SLC24A3: variants seen among roughly 807,000 people sequenced by gnomAD.
SLC24A3 encodes the protein sodium/potassium/calcium exchanger 3.
In SLC24A3, 28 loss-of-function variants were observed where a neutral mutation model predicts 75.8. The ratio of observed to expected loss-of-function variants is 0.37; its 90% CI spans 0.27 to 0.51. The LOEUF is 0.51. Ranked by LOEUF, SLC24A3 falls within the 20% of genes least tolerant of loss-of-function variation. The pLI is 0.94. For missense variants in SLC24A3, 663 were observed against 847.8 expected, an observed-to-expected ratio of 0.78 and a Z score of 2.71; for synonymous variants, 372 against 334.1, an observed-to-expected ratio of 1.11 and a Z score of -1.24.
At chr20:19,552,378 G>A (rs1035531044) in intron 3 of SLC24A3, among the ~76,000 whole-genome samples, 1 of 152,162 alleles carries the variant, frequency 6.6e-6, no homozygotes, top group Non-Finnish European at 1.5e-5. Context: ...CAGCAACTAG[G>A]GGAGAGACCA....
chr20:19,658,207 A>T (rs2032286643), intron 7 of SLC24A3, among the ~76,000 whole-genome samples: 1 of 152,154 alleles, frequency 6.6e-6, no homozygotes, highest in South Asian at 2.1e-4. Flanking sequence ...AGACCCACAG[A>T]GAGGCATGGC....
chr20:19,549,390 T>C (rs1329951070), intron 3 of SLC24A3, among the ~76,000 whole-genome samples: 1 of 152,236 alleles, frequency 6.6e-6, no homozygotes, highest in Non-Finnish European at 1.5e-5. Context: ...GTAGAATCAA[T>C]ATCTCAGGTC....
chr20:19,308,463 G>A lies in SLC24A3; in HGVS notation c.271+27376G>A, dbSNP rs150581718. On this transcript the variant is annotated intron_variant, in intron 2 of 16. Coordinates refer to ENST00000328041, the MANE Select transcript of SLC24A3 (RefSeq NM_020689.4). ...AAATTAAACCTGTGAGTCTGCCTCC[G>A]CAGTCCTCAGGCCACCAGCTGAGGG... Among the ~76,000 whole-genome samples, 342 of 152,288 alleles carry A rather than the reference G, an allele frequency of 2.2e-3. 3 individuals are homozygous for A. Among genetic ancestry groups the A allele is most frequent in the African/African-American group, 7.9e-3 (330 of 41,570 alleles).
At position 19,239,725 on chromosome 20, in the gene SLC24A3, G is replaced by C. The variant is rs139582424; in HGVS notation, c.142+26741G>C. Among the ~76,000 whole-genome samples, 42 of 152,290 alleles carry C rather than the reference G, an allele frequency of 2.8e-4. No homozygotes were observed. The East Asian group carries it at 7.3e-3, about 27-fold the overall frequency. ...CCTGTCACATTGTTTTCACCCCAAG[G>C]GTCCTGGCTCCCAGCCTGAGGGATC... On this transcript the variant is annotated intron_variant, in intron 1 of 16. Transcript: ENST00000328041.
chr20:19,390,225 A>G (rs1986343467), intron 2 of SLC24A3, among the ~76,000 whole-genome samples: 1 of 152,016 alleles, frequency 6.6e-6, no homozygotes, highest in African/African-American at 2.4e-5. Context: ...CTATATTTTG[A>G]GGTCAGCTAA....
At chr20:19,377,647 G>A (rs1986108101) in intron 2 of SLC24A3, among the ~76,000 whole-genome samples, 1 of 152,160 alleles carries the variant, frequency 6.6e-6, no homozygotes, top group African/African-American at 2.4e-5. Flanking sequence ...ATTCTTGCAT[G>A]GAAATTATCC....
chr20:19,341,022 A>G (rs1244076023), intron 2 of SLC24A3, among the ~76,000 whole-genome samples: 1 of 152,184 alleles, frequency 6.6e-6, no homozygotes, highest in Admixed American at 6.5e-5. Flanking sequence ...CTTGCATGTA[A>G]GCTCTTCCCT....
rs1012269641 is a variant in SLC24A3 at position 19,714,423 on chromosome 20, A to C, written c.1720-3105A>C. On this transcript the variant is annotated intron_variant, in intron 15 of 16. Transcript: ENST00000328041. ...CAGTCTCTAAAAAAAAAAAAAAAAA[A>C]AAACAACAAAAAGAGGCAATGGCAA... Among the ~76,000 whole-genome samples the C allele has an allele frequency of 7.4e-3, 1,033 of 139,738 alleles. 23 individuals are homozygous for C. The highest frequency in any genetic ancestry group is 0.026 in the African/African-American group (985 of 37,764). The allele number at this position is 139,738 out of a possible 152,430, so 91.7% of individuals were successfully genotyped here.
At chr20:19,627,550 A>T (rs1265859603) in intron 6 of SLC24A3, among the ~76,000 whole-genome samples, 2 of 152,214 alleles carry the variant, frequency 1.3e-5, no homozygotes, top group Non-Finnish European at 2.9e-5. Flanking sequence ...ATGGGGGGAA[A>T]AAAAGGCACA....
intron 9 of SLC24A3, among the ~76,000 whole-genome samples, chr20:19,681,390 A>G (rs1170059585): frequency 6.6e-6 from 1 of 152,172 alleles, no homozygotes; most frequent in Non-Finnish European, 1.5e-5. Flanking sequence ...TGTGACACAC[A>G]GCCACTGTTC....
chr20:19,327,716 T>C (rs932094981), intron 2 of SLC24A3, among the ~76,000 whole-genome samples: 3 of 152,238 alleles, frequency 2.0e-5, no homozygotes, highest in African/African-American at 7.2e-5. Flanking sequence ...TGGTTTCCCC[T>C]ACTTTCATGG....
At chr20:19,514,183 G>T (rs2029938520) in intron 2 of SLC24A3, among the ~76,000 whole-genome samples, 1 of 152,140 alleles carries the variant, frequency 6.6e-6, no homozygotes. Context: ...GCAAGCCAGG[G>T]GTCCCCAGCA....
intron 2 of SLC24A3, among the ~76,000 whole-genome samples, chr20:19,385,691 G>T (rs1986261055): frequency 7.9e-5 from 12 of 151,444 alleles, no homozygotes; most frequent in Admixed American, 7.9e-4. Flanking sequence ...ACCCAGGTTG[G>T]ATTGCAGTGT....
At chr20:19,483,619 CCA>C (rs1279311951) in intron 2 of SLC24A3, among the ~76,000 whole-genome samples, 1 of 152,124 alleles carries the variant, frequency 6.6e-6, no homozygotes, top group African/African-American at 2.4e-5. Flanking sequence ...GCTGTGGATA[CCA>C]GAGTCAGGGC....
intron 6 of SLC24A3, among the ~76,000 whole-genome samples, chr20:19,628,216 A>AAG (rs1369873430): frequency 6.7e-6 from 1 of 150,238 alleles, no homozygotes; most frequent in African/African-American, 2.5e-5. Context: ...AAAAAAAAAA[A>AAG]AAAAAAGAAA....
At chr20:19,265,329 A>C (rs1258784576) in intron 1 of SLC24A3, among the ~76,000 whole-genome samples, 2 of 152,190 alleles carry the variant, frequency 1.3e-5, no homozygotes, top group Non-Finnish European at 2.9e-5. Flanking sequence ...TTAGAGCTTT[A>C]TTACTGTGAT....
intron 3 of SLC24A3, among the ~76,000 whole-genome samples, chr20:19,575,585 C>T (rs1168657085): frequency 6.6e-6 from 1 of 152,184 alleles, no homozygotes; most frequent in East Asian, 1.9e-4. Flanking sequence ...CAAAAGACCA[C>T]CCATCTTCTC....
chr20:19,246,320 G>A (rs1342463997), intron 1 of SLC24A3, among the ~76,000 whole-genome samples: 1 of 151,958 alleles, frequency 6.6e-6, no homozygotes, highest in Non-Finnish European at 1.5e-5. Context: ...TATATGAGTA[G>A]AATCAATGAA....
intron 2 of SLC24A3, among the ~76,000 whole-genome samples, chr20:19,457,647 T>C (rs2122490664): frequency 6.6e-6 from 1 of 152,306 alleles, no homozygotes; most frequent in East Asian, 1.9e-4. Context: ...GGCTGTCTTA[T>C]GAAGCCAAGC....
Sources: gnomAD v4.1 joint callset for allele counts (sites outside exome capture counted in the v4.1 genomes callset) on GRCh38, gnomAD v4.1.1 for gene constraint, MANE v1.5 for transcripts, NCBI Gene and HGNC (gene_info 2026-07-23, HGNC 2026-07-21) for gene names.